Variants in ASTN2 observed in about 807,000 individuals in gnomAD.
The protein encoded by ASTN2 is astrotactin-2.
ASTN2 carries 54 observed loss-of-function variants against 139.8 expected under a neutral mutation model. The ratio of observed to expected loss-of-function variants is 0.39; its 90% CI spans 0.31 to 0.48. The LOEUF (loss-of-function observed/expected upper bound fraction) is 0.48. Among genes scored for constraint, ASTN2 ranks in the 20% least tolerant of loss-of-function variants. ASTN2 has a pLI of 0.95. For synonymous variants in ASTN2, 756 were observed against 719.5 expected (o/e 1.05, Z -0.81); for missense variants, 1,565 against 1,725.1 (o/e 0.91, Z 1.64).
intron 16 of ASTN2, among the ~76,000 whole-genome samples, chr9:116,706,306 C>T (rs1332039301): frequency 6.6e-6 from 1 of 152,150 alleles, no homozygotes; most frequent in Non-Finnish European, 1.5e-5. Flanking sequence ...CAGTCAGACT[C>T]ATTTGTTGAT....
At chr9:116,502,696 A>C (rs1357370941) in intron 19 of ASTN2, among the ~76,000 whole-genome samples, 1 of 38,170 alleles carries the variant, frequency 2.6e-5, no homozygotes, top group Non-Finnish European at 5.8e-5. Flanking sequence ...GGAAGGAAGG[A>C]AGGAAGGAAG....
At chr9:116,630,849 A>G (rs886251946) in intron 17 of ASTN2, among the ~76,000 whole-genome samples, 105 of 152,294 alleles carry the variant, frequency 6.9e-4, no homozygotes, top group African/African-American at 2.5e-3. Flanking sequence ...ATAATAGCAA[A>G]AAAATCCCAA....
intron 10 of ASTN2, among the ~76,000 whole-genome samples, chr9:116,935,533 G>C (rs901180482): frequency 2.0e-5 from 3 of 152,018 alleles, no homozygotes; most frequent in African/African-American, 7.2e-5. Context: ...AATGGACTTT[G>C]GCATGAGCCA....
intron 1 of ASTN2, among the ~76,000 whole-genome samples, chr9:117,318,358 G>T (rs1163653792): frequency 6.6e-6 from 1 of 152,130 alleles, no homozygotes; most frequent in African/African-American, 2.4e-5. Flanking sequence ...TAGGTATTAT[G>T]GTCATTATTA....
At chr9:116,869,633 G>A (rs1013167646) in intron 10 of ASTN2, among the ~76,000 whole-genome samples, 1 of 152,084 alleles carries the variant, frequency 6.6e-6, no homozygotes, top group African/African-American at 2.4e-5. Flanking sequence ...CGTGTAGAGG[G>A]TTTTCAACCA....
At chr9:117,232,430 C>G (rs549929276) in intron 2 of ASTN2, among the ~76,000 whole-genome samples, 3 of 152,142 alleles carry the variant, frequency 2.0e-5, no homozygotes, top group Non-Finnish European at 4.4e-5. Context: ...CCGTAGGAAC[C>G]AGCTGCCCTC....
In ASTN2 at chr9:117,180,975, G is replaced by A. The variant is rs1831049364; in HGVS notation, c.1015+33383C>T. 6 of 1,597,252 alleles carry A rather than the reference G, an allele frequency of 3.8e-6. No homozygotes were observed. In the East Asian group the frequency reaches 1.1e-4, roughly 30 times the overall value. On this transcript the variant is annotated intron_variant, in intron 3 of 22. Coordinates refer to ENST00000313400, the MANE Select transcript of ASTN2 (RefSeq NM_001365068.1). ...GGCCAATGTGAACCCTGGTCACAGT[G>A]CCCTGGGGCTTTCCAAAGGCACCTC...
intron 16 of ASTN2, among the ~76,000 whole-genome samples, chr9:116,661,646 G>T (rs1235799871): frequency 6.6e-6 from 1 of 152,130 alleles, no homozygotes; most frequent in African/African-American, 2.4e-5. Context: ...GACAGTAAGA[G>T]AAAAAATTCC....
chr9:117,192,469 C>T (rs1831375852), intron 3 of ASTN2, among the ~76,000 whole-genome samples: 1 of 151,930 alleles, frequency 6.6e-6, no homozygotes. Context: ...ACAGATATTG[C>T]CTCCTTGTTT....
chr9:116,686,530 TTCAGGGACTGCAGG>T, intron 16 of ASTN2, among the ~76,000 whole-genome samples: 1 of 152,188 alleles, frequency 6.6e-6, no homozygotes. Context: ...CCCAAACTAC[TTCAGGGACTGCAGG>T]TCGTGGCCAG....
intron 11 of ASTN2, among the ~76,000 whole-genome samples, chr9:116,851,937 G>A (rs186298812): frequency 6.8e-4 from 104 of 152,292 alleles, no homozygotes; most frequent in Admixed American, 1.4e-3. Flanking sequence ...TGGCGGGAAA[G>A]GGAGATGCCC....
intron 19 of ASTN2, among the ~76,000 whole-genome samples, chr9:116,605,341 A>G (rs964861465): frequency 6.6e-6 from 1 of 152,080 alleles, no homozygotes; most frequent in African/African-American, 2.4e-5. Flanking sequence ...GTGAGTGCCA[A>G]CAGAGCCAGA....
intron 19 of ASTN2, among the ~76,000 whole-genome samples, chr9:116,539,725 T>C (rs1234793728): frequency 6.6e-6 from 1 of 152,212 alleles, no homozygotes; most frequent in African/African-American, 2.4e-5. Context: ...CTTCACACCC[T>C]GGGTGGGATG....
At chr9:117,278,514 C>T (rs1376616394) in intron 2 of ASTN2, among the ~76,000 whole-genome samples, 5 of 152,224 alleles carry the variant, frequency 3.3e-5, no homozygotes, top group African/African-American at 1.2e-4. Flanking sequence ...ACCATCACCA[C>T]ATCTGCCTAA....
chr9:117,021,182 G>A (rs116267110), intron 6 of ASTN2, among the ~76,000 whole-genome samples: 7,958 of 152,130 alleles, frequency 0.052, 514 homozygotes, highest in African/African-American at 0.16. Context: ...TGTTGGGATT[G>A]CAGGTGTGAG....
intron 19 of ASTN2, among the ~76,000 whole-genome samples, chr9:116,565,379 CTCTCTCTCCATATATATATA>C (rs1456431415): frequency 0.017 from 587 of 34,342 alleles, 16 homozygotes; most frequent in South Asian, 0.027. Context: ...CTCTCTCTCT[CTCTCTCTCCATATATATATA>C]TATATATATA....
At chr9:116,805,325 G>T (rs982527141) in intron 13 of ASTN2, among the ~76,000 whole-genome samples, 1 of 152,094 alleles carries the variant, frequency 6.6e-6, no homozygotes, top group Non-Finnish European at 1.5e-5. Context: ...TAGACTGAAA[G>T]ATTAATTAAT....
chr9:116,687,219 C>T (rs1860282690), intron 16 of ASTN2: 2 of 1,006,832 alleles, frequency 2.0e-6, no homozygotes, highest in South Asian at 4.2e-5. Flanking sequence ...CGCTTGGGGC[C>T]AGCTGCACGA....
chr9:117,020,456 T>C (rs1837846191), intron 6 of ASTN2, among the ~76,000 whole-genome samples: 1 of 152,088 alleles, frequency 6.6e-6, no homozygotes, highest in Non-Finnish European at 1.5e-5. Flanking sequence ...CACTTTCTTC[T>C]TCTCACTCTT....
Sources: allele counts gnomAD v4.1 joint callset (sites outside exome capture counted in the v4.1 genomes callset), GRCh38; gene constraint gnomAD v4.1.1; transcripts MANE v1.5; gene names NCBI Gene and HGNC (gene_info 2026-07-23, HGNC 2026-07-21).